The following ATP9A variants were observed in gnomAD, a reference collection of about 807,000 sequenced individuals.
The protein encoded by ATP9A is probable phospholipid-transporting ATPase IIA.
ATP9A carries 52 observed loss-of-function variants against 144.1 expected under a neutral mutation model. The ratio of observed to expected loss-of-function variants is 0.36; its 90% CI spans 0.29 to 0.45. The LOEUF (loss-of-function observed/expected upper bound fraction) is 0.45. Ranked by LOEUF, ATP9A falls within the 20% of genes least tolerant of loss-of-function variation. ATP9A has a pLI of 1.00. For missense variants in ATP9A, 947 were observed against 1,392.7 expected, an observed-to-expected ratio of 0.68 and a Z score of 5.09; for synonymous variants, 582 against 557.4, an observed-to-expected ratio of 1.04 and a Z score of -0.62.
At chr20:51,618,113 G>A (rs918933360) in intron 21 of ATP9A, among the ~76,000 whole-genome samples, 2 of 151,842 alleles carry the variant, frequency 1.3e-5, no homozygotes, top group Non-Finnish European at 2.9e-5. Context: ...CCAGCAACTC[G>A]GGAGGCTGAG....
At chr20:51,732,470 C>T (rs1021201322) in intron 1 of ATP9A, 13 of 152,198 alleles carry the variant, frequency 8.5e-5, no homozygotes, top group African/African-American at 3.1e-4. Flanking sequence ...AAAACACAGC[C>T]TCTGTCCATC....
chr20:51,672,990 G>A (rs191257511), intron 11 of ATP9A, among the ~76,000 whole-genome samples: 1 of 152,182 alleles, frequency 6.6e-6, no homozygotes, highest in African/African-American at 2.4e-5. Flanking sequence ...TTATCACTTG[G>A]TAGTGAGAGC....
chr20:51,726,821 C>T (rs2077715594), intron 2 of ATP9A, among the ~76,000 whole-genome samples: 1 of 151,740 alleles, frequency 6.6e-6, no homozygotes, highest in Non-Finnish European at 1.5e-5. Context: ...TCAAGCGATC[C>T]TCCCACTTCA....
At chr20:51,740,397 A>G (rs1192891551) in intron 1 of ATP9A, among the ~76,000 whole-genome samples, 1 of 148,274 alleles carries the variant, frequency 6.7e-6, no homozygotes, top group African/African-American at 2.5e-5. Flanking sequence ...GTCAGCCACT[A>G]TCTAAAATCT....
At chr20:51,714,719 C>T (rs898009599) in intron 3 of ATP9A, among the ~76,000 whole-genome samples, 2 of 152,152 alleles carry the variant, frequency 1.3e-5, no homozygotes, top group East Asian at 1.9e-4. Context: ...CCTGAGCTCA[C>T]GCAATTCACC....
intron 14 of ATP9A, among the ~76,000 whole-genome samples, chr20:51,642,972 C>T (rs2077327287): frequency 1.3e-5 from 2 of 152,172 alleles, no homozygotes; most frequent in South Asian, 4.1e-4. Context: ...CAGCCCCCAG[C>T]CCCCACAGGC....
chr20:51,657,386 G>A (rs981961959), intron 13 of ATP9A, among the ~76,000 whole-genome samples: 5 of 151,932 alleles, frequency 3.3e-5, no homozygotes, highest in African/African-American at 9.7e-5. Flanking sequence ...TTTAATGAAC[G>A]AGAACGATTC....
At chr20:51,695,890 T>C (rs1187662863) in intron 6 of ATP9A, among the ~76,000 whole-genome samples, 1 of 152,224 alleles carries the variant, frequency 6.6e-6, no homozygotes, top group African/African-American at 2.4e-5. Flanking sequence ...CCACAAACTG[T>C]ATTTTTTAAT....
chr20:51,657,288 C>A, intron 13 of ATP9A, 138 bp from the exon 14 acceptor site: 2 of 616,294 alleles, frequency 3.2e-6, no homozygotes, highest in South Asian at 2.5e-5. Context: ...TACAATGATG[C>A]TGCAAATAAA....
rs904841271 is a variant in ATP9A, at chr20:51,670,298, T to G, written c.1181-189A>C. On this transcript the variant is annotated intron_variant, in intron 12 of 27. Transcript: ENST00000338821. ...TCCCATTCCCCTTTTGAAAATGGCT[T>G]CCTAGCTTTCCCAGGGGAAATTAAC... is the stretch of plus-strand genomic sequence containing the variant. Among the ~76,000 whole-genome samples, 3 of 152,158 alleles carry G rather than the reference T, an allele frequency of 2.0e-5. 1 individual carries two copies. Among genetic ancestry groups the G allele is most frequent in the African/African-American group, 7.2e-5 (3 of 41,434 alleles).
At chr20:51,766,339 G>A (rs1423131373) in intron 1 of ATP9A, among the ~76,000 whole-genome samples, 1 of 152,176 alleles carries the variant, frequency 6.6e-6, no homozygotes, top group East Asian at 1.9e-4. Context: ...CACACCTGTT[G>A]GGCAGGTCTT....
intron 9 of ATP9A, among the ~76,000 whole-genome samples, chr20:51,678,214 G>A (rs1482397816): frequency 6.6e-6 from 1 of 152,064 alleles, no homozygotes; most frequent in Non-Finnish European, 1.5e-5. Flanking sequence ...GGAACACGAA[G>A]GAGCCAGCCC....
chr20:51,730,089 G>A, intron 1 of ATP9A, 111 bp from the exon 2 acceptor site: 2 of 1,194,106 alleles, frequency 1.7e-6, no homozygotes, highest in Non-Finnish European at 2.2e-6. Flanking sequence ...TCTGGCTCAG[G>A]ACCACAGCCA....
chr20:51,738,022 CTAAAACA>C (rs1314745037), intron 1 of ATP9A, among the ~76,000 whole-genome samples: 1 of 150,068 alleles, frequency 6.7e-6, no homozygotes, highest in African/African-American at 2.5e-5. Context: ...GACTCAGCCT[CTAAAACA>C]TTTTTTTTTT....
intron 25 of ATP9A, 59 bp from the exon 26 acceptor site, chr20:51,607,643 C>T (rs1315875495): frequency 4.4e-6 from 6 of 1,359,176 alleles, no homozygotes; most frequent in Non-Finnish European, 6.3e-6. Context: ...CGCAGCATGC[C>T]ATCAGCTTTC....
rs372759085 is a variant in ATP9A, at chr20:51,598,607, T to C, written c.*2604A>G. On this transcript the variant is annotated 3_prime_UTR_variant, in exon 28 of 28. Transcript: ENST00000338821. ...CTAGTTTCTTGTTTGCTTATTTCTT[T>C]GTCTTCCCCACCACAACTAAGATGA... 6.6e-6 allele frequency: 1 copy of C among 152,176 alleles called. No individual in the cohort carries two copies. The highest frequency in any genetic ancestry group is 2.4e-5 in the African/African-American group (1 of 41,440). 9.4% of individuals were successfully genotyped at this position (152,176 alleles called of 1,614,324 possible).
At chr20:51,666,536 C>A (rs1200690124) in intron 13 of ATP9A, among the ~76,000 whole-genome samples, 1 of 152,030 alleles carries the variant, frequency 6.6e-6, no homozygotes, top group Non-Finnish European at 1.5e-5. Context: ...TAAAAATTAG[C>A]CGGGCGTGGT....
At chr20:51,738,298 C>T (rs938706578) in intron 1 of ATP9A, among the ~76,000 whole-genome samples, 7 of 152,058 alleles carry the variant, frequency 4.6e-5, no homozygotes, top group East Asian at 1.9e-4. Context: ...CCCAAAGTAC[C>T]GGGATTACAG....
At chr20:51,748,797 A>G (rs982686847) in intron 1 of ATP9A, among the ~76,000 whole-genome samples, 5 of 152,126 alleles carry the variant, frequency 3.3e-5, no homozygotes, top group African/African-American at 9.7e-5. Flanking sequence ...AAAAATAAAT[A>G]TAACTGACCA....
Sources: gnomAD v4.1 joint callset for allele counts (sites outside exome capture counted in the v4.1 genomes callset) on GRCh38, gnomAD v4.1.1 for gene constraint, MANE v1.5 for transcripts, NCBI Gene and HGNC (gene_info 2026-07-23, HGNC 2026-07-21) for gene names.